The following PJA2 variants were observed in gnomAD, a reference collection of about 807,000 sequenced individuals.
PJA2 encodes E3 ubiquitin-protein ligase Praja-2.
A neutral mutation model predicts 69.3 loss-of-function variants in PJA2; 25 were observed. That is an observed-to-expected ratio of 0.36 (90% CI 0.26 to 0.50). PJA2 has a LOEUF of 0.50. Ranked by LOEUF, PJA2 falls within the 20% of genes least tolerant of loss-of-function variation. The probability of loss-of-function intolerance (pLI) is 0.96; values close to 1 mark genes in which losing one functional copy is unlikely to be tolerated. For missense variants in PJA2, 809 were observed against 830.2 expected, an observed-to-expected ratio of 0.97 and a Z score of 0.31; for synonymous variants, 308 against 277.8, an observed-to-expected ratio of 1.11 and a Z score of -1.08.
At chr5:109,350,382 A>G (rs1355624329) in intron 7 of PJA2, among the ~76,000 whole-genome samples, 1 of 152,198 alleles carries the variant, frequency 6.6e-6, no homozygotes, top group African/African-American at 2.4e-5. Flanking sequence ...AAATCACCCT[A>G]TCTAGAATAC....
intron 1 of PJA2, among the ~76,000 whole-genome samples, chr5:109,388,221 A>G (rs1205721285): frequency 6.6e-6 from 1 of 152,198 alleles, no homozygotes; most frequent in Non-Finnish European, 1.5e-5. Flanking sequence ...GAAAGCCCAC[A>G]TGGTGAAATA....
At chr5:109,402,420 G>T (rs1207735493) in intron 1 of PJA2, among the ~76,000 whole-genome samples, 1 of 152,048 alleles carries the variant, frequency 6.6e-6, no homozygotes, top group Non-Finnish European at 1.5e-5. Context: ...TTTGGAATGA[G>T]GAATACTATC....
intron 9 of PJA2, among the ~76,000 whole-genome samples, chr5:109,341,780 G>A (rs1762067330): frequency 1.8e-5 from 2 of 113,242 alleles, no homozygotes; most frequent in Non-Finnish European, 1.9e-5. Context: ...GGAGGTGGGG[G>A]GGTCGGCCCC....
chr5:109,345,513 C>CAAA lies in PJA2; in HGVS notation c.1765-697_1765-695dup, dbSNP rs531364060. ...TGGGTGACAGAGCGAGACTCTGTCT[C>CAAA]AAAAAAAAAAAAAAAAAAAAACTAC... is the stretch of plus-strand genomic sequence containing the variant. On this transcript the variant is annotated intron_variant, in intron 7 of 9. Coordinates refer to ENST00000361189, the MANE Select transcript of PJA2 (RefSeq NM_014819.5). Among the ~76,000 whole-genome samples, 879 of 91,098 alleles carry CAAA rather than the reference C, an allele frequency of 9.6e-3. 35 individuals carry two copies. Among genetic ancestry groups the CAAA allele is most frequent in the South Asian group, 0.021 (43 of 2,078 alleles). The allele number at this position is 91,098 out of a possible 152,430, so 59.8% of individuals were successfully genotyped here.
At chr5:109,370,085 T>A (rs1309599829) in intron 4 of PJA2, among the ~76,000 whole-genome samples, 10 of 151,658 alleles carry the variant, frequency 6.6e-5, no homozygotes, top group Non-Finnish European at 1.3e-4. Context: ...TTGATTACAT[T>A]TAGCCAACTT....
At chr5:109,360,680 A>C (rs1158486298) in intron 6 of PJA2, among the ~76,000 whole-genome samples, 2 of 152,214 alleles carry the variant, frequency 1.3e-5, no homozygotes, top group African/African-American at 4.8e-5. Context: ...AATTAATGCT[A>C]AAATGTTTTC....
rs757400876 is a variant in PJA2 at position 109,344,728 on chromosome 5, G to A, written c.1856C>T (p.Thr619Ile). 1 of 1,613,552 alleles carries A rather than the reference G, an allele frequency of 6.2e-7. No homozygotes were observed. Among genetic ancestry groups the A allele is most frequent in the Non-Finnish European group, 8.5e-7 (1 of 1,179,648 alleles). The change falls in exon 8 of 10, where the codon ACC becomes ATC. Residue 619 changes from threonine to isoleucine, a missense_variant. By Grantham distance (89) the Thr-to-Ile change is moderately conservative (BLOSUM62 -1). Transcript: ENST00000361189. ...SKESIDGLPE[T>I]LVLEDHTAIG... ...ACCAGTGTGATCTTCAAGAACAAGG[G>A]TCTCTGGAAGACCATCAATGCTTTC...
intron 9 of PJA2, among the ~76,000 whole-genome samples, chr5:109,339,263 T>C (rs10213695): frequency 0.23 from 35,179 of 152,006 alleles, 5,703 homozygotes; most frequent in African/African-American, 0.46. Context: ...AATGATGGCA[T>C]GATAGATAAT....
intron 9 of PJA2, among the ~76,000 whole-genome samples, chr5:109,342,206 T>G (rs1181397013): frequency 4.1e-3 from 69 of 16,764 alleles, no homozygotes; most frequent in Admixed American, 0.014. Flanking sequence ...TGGGGGGGGG[T>G]CAGCCCCCCC....
chr5:109,343,534 T>C (rs1055185583), intron 9 of PJA2, among the ~76,000 whole-genome samples: 1 of 152,140 alleles, frequency 6.6e-6, no homozygotes, highest in African/African-American at 2.4e-5. Context: ...CAAAGGCTTC[T>C]CTGCTTTAGA....
chr5:109,367,133 C>CAAAA lies in PJA2; in HGVS notation c.1469+1424_1469+1427dup, dbSNP rs1163494179. Among the ~76,000 whole-genome samples the CAAAA allele has an allele frequency of 6.9e-4, 91 of 131,556 alleles. 1 individual carries two copies. Among genetic ancestry groups the CAAAA allele is most frequent in the African/African-American group, 2.1e-3 (71 of 33,578 alleles). The allele number at this position is 131,556 out of a possible 152,430, so 86.3% of individuals were successfully genotyped here. On this transcript the variant is annotated intron_variant, in intron 5 of 9. Coordinates refer to ENST00000361189, the MANE Select transcript of PJA2 (RefSeq NM_014819.5). ...GGCAACAGAGAGCAAGACTCCGTCT[C>CAAAA]AAAAAAAAAAATATATATATATATA... is the stretch of plus-strand genomic sequence containing the variant.
intron 7 of PJA2, among the ~76,000 whole-genome samples, chr5:109,350,163 TCA>T (rs902154041): frequency 1.4e-4 from 21 of 152,264 alleles, no homozygotes; most frequent in African/African-American, 4.1e-4. Context: ...ACCTGAAATT[TCA>T]TATATGTAAA....
intron 9 of PJA2, among the ~76,000 whole-genome samples, chr5:109,342,017 C>T (rs1762074768): frequency 1.5e-5 from 2 of 130,190 alleles, no homozygotes; most frequent in Non-Finnish European, 3.4e-5. Flanking sequence ...GTCGGCCCCC[C>T]GCCGGGCCAG....
At chr5:109,362,705 T>G in intron 6 of PJA2, 135 bp downstream of exon 6, 390 of 838,082 alleles carry the variant, frequency 4.7e-4, no homozygotes, top group East Asian at 7.5e-4. Flanking sequence ...ACATTTGAAA[T>G]GAGCTTTGAA....
intron 6 of PJA2, among the ~76,000 whole-genome samples, chr5:109,361,353 A>G (rs1762501292): frequency 6.6e-6 from 1 of 152,202 alleles, no homozygotes; most frequent in South Asian, 2.1e-4. Context: ...TATTTCAATG[A>G]GTCAATAATC....
At chr5:109,363,409 C>T (rs1358762831) in intron 5 of PJA2, among the ~76,000 whole-genome samples, 2 of 152,222 alleles carry the variant, frequency 1.3e-5, no homozygotes, top group African/African-American at 2.4e-5. Context: ...CAAATCCCTA[C>T]ATAACACATG....
chr5:109,362,795 A>T (rs1245870427), intron 6 of PJA2, 45 bp downstream of exon 6: 15 of 1,479,342 alleles, frequency 1.0e-5, no homozygotes, highest in Admixed American at 3.9e-5. Context: ...TAGAATCATG[A>T]ACTCAGAGCC....
intron 6 of PJA2, among the ~76,000 whole-genome samples, chr5:109,358,033 T>C (rs1003294779): frequency 9.9e-5 from 15 of 152,230 alleles, no homozygotes; most frequent in African/African-American, 3.6e-4. Context: ...GTGTGGTGGC[T>C]GTAATCCCTG....
intron 9 of PJA2, among the ~76,000 whole-genome samples, 164 bp downstream of exon 9, chr5:109,344,026 G>A (rs1246098502): frequency 6.6e-6 from 1 of 150,944 alleles, no homozygotes; most frequent in African/African-American, 2.5e-5. Context: ...GAACCCTGGA[G>A]GCAGAGGTTG....
Sources: gnomAD v4.1 joint callset for allele counts (sites outside exome capture counted in the v4.1 genomes callset) on GRCh38, gnomAD v4.1.1 for gene constraint, MANE v1.5 for transcripts, NCBI Gene and HGNC (gene_info 2026-07-23, HGNC 2026-07-21) for gene names.